FBXO34: variants seen among roughly 807,000 people sequenced by gnomAD.
FBXO34 encodes F-box protein 34, also known as F-box only protein 34.
Under a neutral mutation model 24.5 loss-of-function variants are expected in FBXO34, and 12 were observed. The observed-to-expected ratio is 0.49, with a 90% confidence interval of 0.31 to 0.79. The LOEUF is 0.79. Among genes scored for constraint, FBXO34 ranks in the 30% least tolerant of loss-of-function variants. FBXO34 has a pLI of 0.04. For synonymous variants in FBXO34, 320 were observed against 311.9 expected, an observed-to-expected ratio of 1.03 and a Z score of -0.27; for missense variants, 823 against 857.7, an observed-to-expected ratio of 0.96 and a Z score of 0.51.
chr14:55,418,321 A>C, the FBXO34 span, among the ~76,000 whole-genome samples: 2 of 152,194 alleles, frequency 1.3e-5, no homozygotes, highest in African/African-American at 4.8e-5. Context: ...TAAGGTTTAT[A>C]AGTTCATCCC....
chr14:55,335,733 TAATC>T (rs533526006), intron 1 of FBXO34, among the ~76,000 whole-genome samples: 95 of 152,348 alleles, frequency 6.2e-4, no homozygotes, highest in African/African-American at 1.9e-3. Flanking sequence ...ATTATACTTT[TAATC>T]AATCAGTTTC....
intron 1 of FBXO34, chr14:55,282,331 CT>C: frequency 4.3e-6 from 2 of 460,154 alleles, no homozygotes; most frequent in Non-Finnish European, 4.4e-6. Flanking sequence ...GCTTTCAACA[CT>C]TTCACAATGA....
chr14:55,286,152 C>G (rs991141420), intron 1 of FBXO34, among the ~76,000 whole-genome samples: 3 of 152,130 alleles, frequency 2.0e-5, no homozygotes, highest in Non-Finnish European at 4.4e-5. Flanking sequence ...ACCTCTTTCC[C>G]TTCCCAATTT....
chr14:55,355,064 C>T (rs1315564278), downstream of FBXO34: 2 of 152,140 alleles, frequency 1.3e-5, no homozygotes, highest in African/African-American at 2.4e-5. Flanking sequence ...CTACTTCAAG[C>T]CCTTACTTGA....
the FBXO34 span, chr14:55,385,708 G>A: frequency 1.5e-4 from 113 of 745,810 alleles, 1 homozygote; most frequent in Middle Eastern, 6.9e-4. Flanking sequence ...TCTGCGGTGC[G>A]TACTGTTTGT....
At chr14:55,298,408 G>A (rs574765533) in intron 1 of FBXO34, among the ~76,000 whole-genome samples, 1 of 152,084 alleles carries the variant, frequency 6.6e-6, no homozygotes, top group East Asian at 1.9e-4. Context: ...TGGATGAGTG[G>A]AGGAAGTCCT....
chr14:55,286,128 G>A (rs974387263), intron 1 of FBXO34, among the ~76,000 whole-genome samples: 14 of 152,046 alleles, frequency 9.2e-5, no homozygotes, highest in Admixed American at 4.6e-4. Flanking sequence ...ACTTAGAAGA[G>A]AAAATTAATC....
the FBXO34 span, chr14:55,424,281 A>C: frequency 8.2e-6 from 12 of 1,459,024 alleles, no homozygotes; most frequent in Non-Finnish European, 1.2e-5. Flanking sequence ...GAAAATGTTA[A>C]AAATAGCACT....
the FBXO34 span, chr14:55,391,175 T>C: frequency 3.6e-3 from 1,774 of 498,688 alleles, 35 homozygotes; most frequent in African/African-American, 0.033. Flanking sequence ...TCTAGTTCAA[T>C]GCAGAGAAAA....
chr14:55,433,023 A>G, the FBXO34 span, among the ~76,000 whole-genome samples: 1 of 152,322 alleles, frequency 6.6e-6, no homozygotes, highest in South Asian at 2.1e-4. Context: ...ACACTTCATC[A>G]TTACTGTAAC....
rs536178298 is a variant in FBXO34 at position 55,305,563 on chromosome 14, G to C, written c.-11+34026G>C. ...ATACAAAAATTAGCCAGGTGTGGTAGTGCGTGTCTGTAGTCCCCAGCTACT... is the reference window on the plus strand; with the variant it reads ...ATACAAAAATTAGCCAGGTGTGGTACTGCGTGTCTGTAGTCCCCAGCTACT... On this transcript the variant is annotated intron_variant, in intron 1 of 1. Coordinates refer to ENST00000313833, the MANE Select transcript of FBXO34 (RefSeq NM_017943.4). Among the ~76,000 whole-genome samples the C allele has an allele frequency of 2.7e-3, 417 of 151,864 alleles. 3 individuals carry two copies. The highest frequency in any genetic ancestry group is 9.8e-3 in the African/African-American group (405 of 41,410).
chr14:55,273,104 T>C (rs1881212845), intron 1 of FBXO34, among the ~76,000 whole-genome samples: 1 of 152,030 alleles, frequency 6.6e-6, no homozygotes, highest in African/African-American at 2.4e-5. Context: ...GAAGCATAGT[T>C]AGTCTTTAGC....
chr14:55,325,538 C>T (rs1230296486), intron 1 of FBXO34, among the ~76,000 whole-genome samples: 8 of 151,996 alleles, frequency 5.3e-5, no homozygotes, highest in Non-Finnish European at 8.8e-5. Flanking sequence ...TGCAATGGCG[C>T]GATCTCGGCT....
At chr14:55,441,490 G>A in the FBXO34 span, among the ~76,000 whole-genome samples, 1 of 152,032 alleles carries the variant, frequency 6.6e-6, no homozygotes, top group Admixed American at 6.6e-5. Flanking sequence ...AGAGTGAGTG[G>A]AATGAGTCAC....
intron 3 of FBXO34, among the ~76,000 whole-genome samples, chr14:55,360,979 T>C (rs368148201): frequency 1.3e-5 from 2 of 151,670 alleles, no homozygotes; most frequent in Admixed American, 6.6e-5. Context: ...GCCTGGGTGA[T>C]AGAGTGAGAT....
intron 1 of FBXO34, among the ~76,000 whole-genome samples, chr14:55,302,286 A>G (rs564962602): frequency 2.6e-5 from 4 of 152,282 alleles, no homozygotes; most frequent in Middle Eastern, 3.4e-3. Flanking sequence ...TCTGTCAGCT[A>G]TATAGAGATA....
chr14:55,407,048 G>C, the FBXO34 span, among the ~76,000 whole-genome samples: 2 of 150,966 alleles, frequency 1.3e-5, no homozygotes, highest in African/African-American at 4.9e-5. Context: ...GGCAGCCTCT[G>C]CCTCCCAGGT....
At chr14:55,327,657 G>C (rs1166139991) in intron 1 of FBXO34, among the ~76,000 whole-genome samples, 1 of 152,012 alleles carries the variant, frequency 6.6e-6, no homozygotes, top group Non-Finnish European at 1.5e-5. Flanking sequence ...AGGGAATCAG[G>C]ATTTTTACTT....
At chr14:55,295,712 G>A (rs997536813) in intron 1 of FBXO34, among the ~76,000 whole-genome samples, 8 of 152,042 alleles carry the variant, frequency 5.3e-5, no homozygotes, top group African/African-American at 1.7e-4. Context: ...AATATTCTTC[G>A]CCATTTTTTC....
Sources: allele counts gnomAD v4.1 joint callset (sites outside exome capture counted in the v4.1 genomes callset), GRCh38; gene constraint gnomAD v4.1.1; transcripts MANE v1.5; gene names NCBI Gene and HGNC (gene_info 2026-07-23, HGNC 2026-07-21).